Variants in CUEDC1 observed in about 807,000 individuals in gnomAD.
CUEDC1 encodes CUE domain-containing protein 1.
Under a neutral mutation model 43.7 loss-of-function variants are expected in CUEDC1, and 30 were observed. That is an observed-to-expected ratio of 0.69 (90% CI 0.51 to 0.93). CUEDC1 has a LOEUF of 0.93. CUEDC1 is among the 40% of genes least tolerant of loss of function. The probability of loss-of-function intolerance (pLI) is 0.00; values close to 1 mark genes in which losing one functional copy is unlikely to be tolerated. For synonymous variants in CUEDC1, 223 were observed against 223.6 expected (o/e 1.00, Z 0.02); for missense variants, 486 against 549.0 (o/e 0.89, Z 1.15).
chr17:57,905,625 T>C (rs2074523108), intron 1 of CUEDC1, among the ~76,000 whole-genome samples: 1 of 152,158 alleles, frequency 6.6e-6, no homozygotes, highest in South Asian at 2.1e-4. Context: ...CCCACTTGTC[T>C]CTCAATACCC....
chr17:57,861,337 C>T lies in CUEDC1; in HGVS notation c.*1952G>A, dbSNP rs1005509659. 4 of 152,270 alleles carry T rather than the reference C, an allele frequency of 2.6e-5. No individual in the cohort carries two copies. The highest frequency in any genetic ancestry group is 5.9e-5 in the Non-Finnish European group (4 of 68,060). 9.4% of individuals were successfully genotyped at this position (152,270 alleles called of 1,614,324 possible). ...CCCATGGTGTTTCCCTTGCCTGATA[C>T]AGCAAGCGGTTTACAGTCCTGGGCC... is the stretch of plus-strand genomic sequence containing the variant. On this transcript the variant is annotated 3_prime_UTR_variant, in exon 11 of 11. Coordinates refer to ENST00000577830, the MANE Select transcript of CUEDC1 (RefSeq NM_001271875.2).
chr17:57,868,351 G>C, intron 7 of CUEDC1, 108 bp from the exon 8 acceptor site: 1 of 960,320 alleles, frequency 1.0e-6, no homozygotes. Context: ...CCCGGAGAGG[G>C]AGCAGGGGGC....
intron 3 of CUEDC1, among the ~76,000 whole-genome samples, chr17:57,877,596 T>G (rs977494852): frequency 5.0e-3 from 434 of 86,792 alleles, no homozygotes; most frequent in Middle Eastern, 0.013. Flanking sequence ...AAAAAAAAGG[T>G]GGGGGTGGGG....
chr17:57,890,269 G>A lies in CUEDC1; in HGVS notation c.-315-4390C>T, dbSNP rs143111919. The stretch of plus-strand genomic sequence containing the variant: ...TCAGCCATGTGTGCCCCAGGCTCAG[G>A]AGACTGGGCACAGCCCAGAGGACAT... On this transcript the variant is annotated intron_variant, in intron 1 of 10. Transcript: ENST00000577830. 2.6e-5 allele frequency among the ~76,000 whole-genome samples: 4 copies of A among 152,322 alleles called. No homozygotes were observed. The East Asian group carries it at 7.7e-4, about 29-fold the overall frequency.
intron 3 of CUEDC1, among the ~76,000 whole-genome samples, chr17:57,874,968 C>T (rs1404176692): frequency 6.6e-6 from 1 of 152,150 alleles, no homozygotes; most frequent in East Asian, 1.9e-4. Context: ...AACCCCAGCA[C>T]GCCTCGTCCA....
At chr17:57,931,683 G>A (rs988315582) in intron 1 of CUEDC1, among the ~76,000 whole-genome samples, 1 of 152,056 alleles carries the variant, frequency 6.6e-6, no homozygotes, top group South Asian at 2.1e-4. Flanking sequence ...CTCACACAGG[G>A]CCAAGAAAGG....
chr17:57,947,061 T>C (rs979487963), intron 1 of CUEDC1, among the ~76,000 whole-genome samples: 3 of 149,750 alleles, frequency 2.0e-5, no homozygotes, highest in Non-Finnish European at 4.4e-5. Context: ...CAAAGTGAAA[T>C]CATTTCAGGA....
chr17:57,914,261 A>G (rs1476740326), intron 1 of CUEDC1, among the ~76,000 whole-genome samples: 1 of 152,208 alleles, frequency 6.6e-6, no homozygotes, highest in African/African-American at 2.4e-5. Flanking sequence ...AACTATAGCA[A>G]ATACTTGTAT....
chr17:57,902,466 A>G (rs1484401241), intron 1 of CUEDC1, among the ~76,000 whole-genome samples: 1 of 152,240 alleles, frequency 6.6e-6, no homozygotes, highest in Non-Finnish European at 1.5e-5. Flanking sequence ...CAGCCCGGAC[A>G]CGGGTTGAAT....
chr17:57,889,558 C>T (rs1243971354), intron 1 of CUEDC1, among the ~76,000 whole-genome samples: 1 of 152,196 alleles, frequency 6.6e-6, no homozygotes, highest in East Asian at 1.9e-4. Flanking sequence ...AGCCCCACAC[C>T]CTGCCTCACA....
intron 1 of CUEDC1, among the ~76,000 whole-genome samples, chr17:57,918,448 G>A (rs1029453100): frequency 1.3e-5 from 2 of 152,328 alleles, no homozygotes; most frequent in East Asian, 1.9e-4. Context: ...AAGAGACAAC[G>A]GAAGAATGCA....
intron 9 of CUEDC1, chr17:57,866,777 G>A (rs540421973): frequency 1.5e-5 from 8 of 533,576 alleles, no homozygotes; most frequent in South Asian, 4.6e-5. Context: ...TTCTCCCCTC[G>A]TCTTTGGGCC....
rs2074792373 is a variant in CUEDC1 at position 57,930,377 on chromosome 17, C to T, written c.-316+24848G>A. Among the ~76,000 whole-genome samples, 1 of 152,222 alleles carries T rather than the reference C, an allele frequency of 6.6e-6. No homozygotes were observed. Among genetic ancestry groups the T allele is most frequent in the Admixed American group, 6.5e-5 (1 of 15,278 alleles). ...TGGCTGTGAGGAGGCCAGAAGGTAG[C>T]CCTTACAAACACCTTTCCCCAACTC... On this transcript the variant is annotated intron_variant, in intron 1 of 10. Coordinates refer to ENST00000577830, the MANE Select transcript of CUEDC1 (RefSeq NM_001271875.2). The surrounding 1 kb of genome is among the most constrained non-coding windows in gnomAD (Gnocchi z 4.2).
chr17:57,888,571 G>A (rs2074322440), intron 1 of CUEDC1, among the ~76,000 whole-genome samples: 1 of 152,190 alleles, frequency 6.6e-6, no homozygotes, highest in African/African-American at 2.4e-5. Context: ...CCCATAGCCG[G>A]CTTTAGACAC....
chr17:57,928,778 G>C (rs1372334826), intron 1 of CUEDC1, among the ~76,000 whole-genome samples: 1 of 131,280 alleles, frequency 7.6e-6, no homozygotes, highest in Non-Finnish European at 1.6e-5. Context: ...CAGCCTGCCT[G>C]GGAGACAGTA....
intron 1 of CUEDC1, chr17:57,922,686 T>C (rs2074709247): frequency 2.0e-5 from 3 of 152,198 alleles, no homozygotes; most frequent in African/African-American, 4.8e-5. Context: ...GGAAGAGTGC[T>C]ACCACCTTTC....
chr17:57,923,106 A>T (rs555234328), intron 1 of CUEDC1, among the ~76,000 whole-genome samples: 94 of 152,272 alleles, frequency 6.2e-4, no homozygotes, highest in African/African-American at 2.1e-3. Flanking sequence ...GATTACAGGC[A>T]TGAGCCTCTG....
chr17:57,873,829 T>A, intron 3 of CUEDC1, 112 bp from the exon 4 acceptor site: 2 of 1,095,312 alleles, frequency 1.8e-6, no homozygotes, highest in Non-Finnish European at 2.5e-6. Context: ...GAGATTCCCA[T>A]GGCCTCCACT....
At chr17:57,866,664 G>A in intron 9 of CUEDC1, 120 bp from the exon 10 acceptor site, 1 of 928,754 alleles carries the variant, frequency 1.1e-6, no homozygotes, top group Non-Finnish European at 1.7e-6. Flanking sequence ...TGGGACCCAT[G>A]CAGATCCCCC....
Sources: allele counts gnomAD v4.1 joint callset (sites outside exome capture counted in the v4.1 genomes callset), GRCh38; gene constraint gnomAD v4.1.1; non-coding constraint Gnocchi (gnomAD v3.1); transcripts MANE v1.5; gene names NCBI Gene and HGNC (gene_info 2026-07-23, HGNC 2026-07-21).